Variants in SNTG1 observed in about 807,000 individuals in gnomAD.
SNTG1 encodes the protein syntrophin gamma 1.
Under a neutral mutation model 74.7 loss-of-function variants are expected in SNTG1, and 39 were observed. That is an observed-to-expected ratio of 0.52 (90% CI 0.40 to 0.68). The LOEUF (loss-of-function observed/expected upper bound fraction) is 0.68, where lower values mean the gene tolerates loss of function less well. SNTG1 is among the 30% of genes least tolerant of loss of function. The pLI, the probability that SNTG1 is intolerant of heterozygous loss-of-function variation, is 0.00. For synonymous variants in SNTG1, 254 were observed against 217.1 expected (o/e 1.17, Z -1.49); for missense variants, 685 against 609.5 (o/e 1.12, Z -1.30).
chr8:50,439,959 A>T (rs1000860698), intron 5 of SNTG1, among the ~76,000 whole-genome samples: 2 of 151,498 alleles, frequency 1.3e-5, no homozygotes, highest in African/African-American at 4.8e-5. Context: ...TTTAAATTTA[A>T]ACCCAATAAT....
chr8:50,792,969 A>G lies in SNTG1; in HGVS notation c.*140A>G. On this transcript the variant is annotated 3_prime_UTR_variant, in exon 19 of 19. Coordinates refer to ENST00000642720, the MANE Select transcript of SNTG1 (RefSeq NM_018967.5). ...AAAATTTCGGCAGAAAAAGAAGGTC[A>G]TGTGGAACCTCAAAAACACTTCTAT... 1.2e-6 allele frequency: 1 copy of G among 844,432 alleles called. No homozygotes were observed. The highest frequency in any genetic ancestry group is 1.7e-6 in the Non-Finnish European group (1 of 576,124). 52.3% of individuals were successfully genotyped at this position (844,432 alleles called of 1,614,324 possible).
chr8:50,090,529 C>T (rs2079687770), intron 1 of SNTG1, among the ~76,000 whole-genome samples: 1 of 152,168 alleles, frequency 6.6e-6, no homozygotes, highest in Non-Finnish European at 1.5e-5. Flanking sequence ...TCTTGATACT[C>T]ATTCTGGAAT....
intron 1 of SNTG1, among the ~76,000 whole-genome samples, chr8:50,139,234 C>T (rs2131454231): frequency 6.6e-6 from 1 of 152,260 alleles, no homozygotes; most frequent in East Asian, 1.9e-4. Flanking sequence ...TTTTAAAAAA[C>T]ATTTTTAATT....
At chr8:50,642,013 G>A (rs539393768) in intron 13 of SNTG1, among the ~76,000 whole-genome samples, 10 of 152,228 alleles carry the variant, frequency 6.6e-5, no homozygotes, top group South Asian at 4.1e-4. Context: ...TTATTTCTTC[G>A]TATTTTCTAT....
At chr8:50,404,010 T>C (rs2092838491) in intron 4 of SNTG1, among the ~76,000 whole-genome samples, 1 of 152,178 alleles carries the variant, frequency 6.6e-6, no homozygotes, top group Non-Finnish European at 1.5e-5. Context: ...ATGGCTTTAC[T>C]TGTAGATTTC....
intron 2 of SNTG1, among the ~76,000 whole-genome samples, chr8:50,371,289 A>G (rs865931770): frequency 2.6e-5 from 4 of 152,202 alleles, no homozygotes; most frequent in Admixed American, 1.3e-4. Flanking sequence ...TCGGGTGTGC[A>G]CAGCAGTACT....
At chr8:50,740,963 A>G (rs553354189) in intron 17 of SNTG1, among the ~76,000 whole-genome samples, 89 of 152,136 alleles carry the variant, frequency 5.9e-4, no homozygotes, top group African/African-American at 2.1e-3. Context: ...CACATAGAGA[A>G]GAACAACATA....
chr8:50,580,589 G>A (rs2094604178), intron 12 of SNTG1, among the ~76,000 whole-genome samples: 1 of 152,126 alleles, frequency 6.6e-6, no homozygotes, highest in Admixed American at 6.6e-5. Context: ...TTACCCTCAT[G>A]CTGTTCTCAT....
At chr8:49,978,575 C>T (rs1441655216) in intron 1 of SNTG1, among the ~76,000 whole-genome samples, 4 of 152,066 alleles carry the variant, frequency 2.6e-5, no homozygotes, top group East Asian at 1.9e-4. Context: ...ATTTTTTGAA[C>T]ATACAATTAA....
chr8:50,499,422 CTT>C (rs1209490748), intron 8 of SNTG1, among the ~76,000 whole-genome samples: 2 of 135,306 alleles, frequency 1.5e-5, no homozygotes, highest in Non-Finnish European at 1.6e-5. Context: ...GTTCCAGGAG[CTT>C]TTTTTTTTTT....
At chr8:50,533,570 C>T (rs2094286182) in intron 10 of SNTG1, among the ~76,000 whole-genome samples, 1 of 151,066 alleles carries the variant, frequency 6.6e-6, no homozygotes, top group African/African-American at 2.5e-5. Context: ...AAATAAACTA[C>T]TATTCCAAAA....
chr8:50,589,123 G>A (rs867548844), intron 12 of SNTG1, among the ~76,000 whole-genome samples: 11 of 151,928 alleles, frequency 7.2e-5, no homozygotes, highest in Non-Finnish European at 1.5e-4. Flanking sequence ...GCCGTGGTAG[G>A]AAATACACCA....
At chr8:50,486,042 G>A (rs1387989854) in intron 8 of SNTG1, among the ~76,000 whole-genome samples, 4 of 152,234 alleles carry the variant, frequency 2.6e-5, no homozygotes, top group African/African-American at 9.6e-5. Flanking sequence ...CTCTGTTTTG[G>A]TTACTGTAGC....
At position 50,716,821 on chromosome 8, in the gene SNTG1, C is replaced by T. The variant is rs558910259; in HGVS notation, c.1284+7843C>T. On this transcript the variant is annotated intron_variant, in intron 17 of 18. Coordinates refer to ENST00000642720, the MANE Select transcript of SNTG1 (RefSeq NM_018967.5). The stretch of plus-strand genomic sequence containing the variant: ...GATCTCAGCTCACTGCAAGCTCCAC[C>T]TCCCGGGTTCACGCCATTCTCCTGC... 2.0e-5 allele frequency among the ~76,000 whole-genome samples: 3 copies of T among 152,088 alleles called. No homozygotes were observed. The East Asian group carries it at 5.8e-4, about 29-fold the overall frequency.
At chr8:50,466,722 T>C (rs1323684567) in intron 8 of SNTG1, among the ~76,000 whole-genome samples, 1 of 152,012 alleles carries the variant, frequency 6.6e-6, no homozygotes, top group Non-Finnish European at 1.5e-5. Flanking sequence ...GCTTTGTAGT[T>C]TTCCACATAT....
chr8:50,293,143 TG>T (rs770716164), intron 2 of SNTG1, among the ~76,000 whole-genome samples: 1 of 152,206 alleles, frequency 6.6e-6, no homozygotes, highest in Non-Finnish European at 1.5e-5. Context: ...GTCACGTGAT[TG>T]TCTGCTAGGG....
intron 12 of SNTG1, among the ~76,000 whole-genome samples, chr8:50,585,850 T>C (rs1467619040): frequency 6.6e-6 from 1 of 152,144 alleles, no homozygotes; most frequent in Non-Finnish European, 1.5e-5. Flanking sequence ...AATTAAAAAG[T>C]AAGTATTTTT....
rs573680199 is a variant in SNTG1 at position 50,352,468 on chromosome 8, G to A, written c.-27-41744G>A. Among the ~76,000 whole-genome samples, 3 of 151,874 alleles carry A rather than the reference G, an allele frequency of 2.0e-5. No individual in the cohort carries two copies. The South Asian group carries it at 6.3e-4, about 32-fold the overall frequency. On this transcript the variant is annotated intron_variant, in intron 2 of 18. Coordinates refer to ENST00000642720, the MANE Select transcript of SNTG1 (RefSeq NM_018967.5). ...TGCAATGAAGCAGTCTCGGCTCACT[G>A]CAACCTCCACCTCCCAGGTACAAGA...
At chr8:49,923,381 C>T (rs1452890324) in intron 1 of SNTG1, among the ~76,000 whole-genome samples, 3 of 151,854 alleles carry the variant, frequency 2.0e-5, no homozygotes, top group Non-Finnish European at 2.9e-5. Flanking sequence ...TAAATGAAGC[C>T]TAGAAATTAT....
Sources: allele counts gnomAD v4.1 joint callset (sites outside exome capture counted in the v4.1 genomes callset), GRCh38; gene constraint gnomAD v4.1.1; transcripts MANE v1.5; gene names NCBI Gene and HGNC (gene_info 2026-07-23, HGNC 2026-07-21).